Variants in LEKR1 observed in about 807,000 individuals in gnomAD.
LEKR1 encodes leucine, glutamate and lysine rich 1.
In LEKR1, 59 loss-of-function variants were observed where a neutral mutation model predicts 72.4. The observed-to-expected ratio is 0.82, with a 90% CI of 0.66 to 1.01. The LOEUF (loss-of-function observed/expected upper bound fraction) is 1.01, where lower values mean the gene tolerates loss of function less well. LEKR1 is among the 50% of genes least tolerant of loss of function. LEKR1 has a pLI of 0.00. For synonymous variants in LEKR1, 257 were observed against 263.2 expected (o/e 0.98, Z 0.23); for missense variants, 728 against 759.2 (o/e 0.96, Z 0.48).
At chr3:157,009,723 T>G (rs1732739770) in intron 9 of LEKR1, among the ~76,000 whole-genome samples, 1 of 152,092 alleles carries the variant, frequency 6.6e-6, no homozygotes, top group Non-Finnish European at 1.5e-5. Context: ...GGCTGATTTG[T>G]CTATAACTGA....
intron 12 of LEKR1, among the ~76,000 whole-genome samples, chr3:157,044,030 A>C (rs1199265898): frequency 6.6e-6 from 1 of 152,242 alleles, no homozygotes; most frequent in Non-Finnish European, 1.5e-5. Context: ...TATAATCATG[A>C]GAAACTCAAA....
intron 11 of LEKR1, among the ~76,000 whole-genome samples, chr3:157,026,132 T>C (rs149346677): frequency 4.0e-4 from 61 of 152,320 alleles, no homozygotes; most frequent in African/African-American, 1.3e-3. Context: ...ATGGAGCATG[T>C]GCCACAAGCT....
intron 3 of LEKR1, among the ~76,000 whole-genome samples, chr3:156,897,949 T>C (rs1721365419): frequency 6.9e-6 from 1 of 143,916 alleles, no homozygotes; most frequent in Admixed American, 7.0e-5. Context: ...CAAGACTCTG[T>C]CTCCAAAAAA....
chr3:156,871,218 G>C (rs1404793427), intron 3 of LEKR1, among the ~76,000 whole-genome samples: 1 of 150,584 alleles, frequency 6.6e-6, no homozygotes, highest in African/African-American at 2.4e-5. Flanking sequence ...TTGGTTTTTT[G>C]TTCTTGCGAT....
intron 7 of LEKR1, among the ~76,000 whole-genome samples, chr3:156,984,827 A>G (rs1298869407): frequency 6.6e-6 from 1 of 152,082 alleles, no homozygotes; most frequent in Non-Finnish European, 1.5e-5. Context: ...GATAATTTGA[A>G]CAATAGTAAA....
chr3:156,846,276 T>A (rs1273804857), intron 2 of LEKR1, among the ~76,000 whole-genome samples: 1 of 152,160 alleles, frequency 6.6e-6, no homozygotes, highest in Non-Finnish European at 1.5e-5. Flanking sequence ...GAGAGTTTTA[T>A]TTTTTCCTTC....
chr3:156,836,359 G>A (rs188476264), intron 2 of LEKR1, among the ~76,000 whole-genome samples: 662 of 151,910 alleles, frequency 4.4e-3, no homozygotes, highest in African/African-American at 0.015. Context: ...GGAATCCCAG[G>A]CTGGCAAAAA....
rs1425517086 is a variant in LEKR1, at chr3:157,028,312, G to A, written c.1578G>A (p.Arg526=). Residue 526 remains arginine, a synonymous_variant, in exon 12 of 13, where the codon AGG becomes AGA. Coordinates refer to ENST00000356539, the MANE Select transcript of LEKR1 (RefSeq NM_001004316.3). ...DSNDSVSENL[R]KEMEQKSDEL... is the part of the protein sequence containing the mutation. ...ATGATTCAGTTTCAGAAAACTTGAG[G>A]AAGGAAATGGAACAGAAGTCGGATG... The A allele has an allele frequency of 6.2e-7, 1 of 1,613,408 alleles. No individual in the cohort carries two copies. Among genetic ancestry groups the A allele is most frequent in the South Asian group, 1.1e-5 (1 of 91,018 alleles).
At chr3:156,955,380 A>G (rs1457862423) in intron 6 of LEKR1, among the ~76,000 whole-genome samples, 3 of 152,078 alleles carry the variant, frequency 2.0e-5, no homozygotes, top group South Asian at 2.1e-4. Context: ...TTTCAATACT[A>G]TGTTTTATAG....
intron 6 of LEKR1, among the ~76,000 whole-genome samples, chr3:156,945,376 T>G (rs1234968720): frequency 6.6e-6 from 1 of 151,930 alleles, no homozygotes; most frequent in Non-Finnish European, 1.5e-5. Context: ...GGGTTGTCTC[T>G]TGACTTTGTT....
chr3:156,954,814 T>A lies in LEKR1; in HGVS notation c.745+12100T>A, dbSNP rs536383129. Among the ~76,000 whole-genome samples, 7 of 152,134 alleles carry A rather than the reference T, an allele frequency of 4.6e-5. No homozygotes were observed. The East Asian group carries it at 1.4e-3, about 29-fold the overall frequency. ...ATGATGCCTCCAGCTTTGTTCTTTT[T>A]GATTAGGACTGCCTTGGCTAGTCAG... On this transcript the variant is annotated intron_variant, in intron 6 of 12. Coordinates refer to ENST00000356539, the MANE Select transcript of LEKR1 (RefSeq NM_001004316.3).
intron 10 of LEKR1, among the ~76,000 whole-genome samples, chr3:157,013,344 C>G (rs181797610): frequency 2.6e-5 from 4 of 152,186 alleles, no homozygotes; most frequent in African/African-American, 9.6e-5. Context: ...TTTATGATCC[C>G]CTCTAGTACT....
At chr3:156,871,381 AGTCTTTGCT>A (rs1464319170) in intron 3 of LEKR1, among the ~76,000 whole-genome samples, 4 of 152,148 alleles carry the variant, frequency 2.6e-5, no homozygotes, top group Non-Finnish European at 5.9e-5. Flanking sequence ...CTTTGTTCCA[AGTCTTTGCT>A]ATTCTGAATA....
intron 3 of LEKR1, among the ~76,000 whole-genome samples, chr3:156,883,127 A>T (rs1419842743): frequency 1.3e-5 from 2 of 151,956 alleles, no homozygotes; most frequent in African/African-American, 2.4e-5. Context: ...CATTGTGCAC[A>T]TGTACCCTAA....
chr3:156,854,497 C>T (rs546807122), intron 3 of LEKR1, among the ~76,000 whole-genome samples: 2 of 151,120 alleles, frequency 1.3e-5, no homozygotes, highest in African/African-American at 4.8e-5. Context: ...CTTTATTGTA[C>T]CTTTACCTTT....
chr3:156,895,564 T>C (rs1322410927), intron 3 of LEKR1, among the ~76,000 whole-genome samples: 2 of 151,948 alleles, frequency 1.3e-5, no homozygotes, highest in Non-Finnish European at 2.9e-5. Flanking sequence ...TGAGCTGAGA[T>C]TGCACCACTG....
intron 6 of LEKR1, among the ~76,000 whole-genome samples, chr3:156,971,436 A>T (rs1209604054): frequency 2.0e-5 from 3 of 152,242 alleles, no homozygotes; most frequent in African/African-American, 7.2e-5. Flanking sequence ...ATGGGCAAGG[A>T]CTTCATGTCT....
intron 3 of LEKR1, among the ~76,000 whole-genome samples, chr3:156,895,227 A>C (rs1009262084): frequency 2.0e-5 from 3 of 152,244 alleles, no homozygotes; most frequent in African/African-American, 7.2e-5. Context: ...GGCAAAGGAC[A>C]TGAACAGACG....
At chr3:156,840,827 G>C (rs1201193938) in intron 2 of LEKR1, among the ~76,000 whole-genome samples, 1 of 152,166 alleles carries the variant, frequency 6.6e-6, no homozygotes, top group African/African-American at 2.4e-5. Context: ...AGCACAGAGA[G>C]GGTTCAGCTA....
Sources: allele counts gnomAD v4.1 joint callset (sites outside exome capture counted in the v4.1 genomes callset), GRCh38; gene constraint gnomAD v4.1.1; transcripts MANE v1.5; gene names NCBI Gene and HGNC (gene_info 2026-07-23, HGNC 2026-07-21).